Variants in DIP2B observed in about 807,000 individuals in gnomAD.
DIP2B encodes the protein disco-interacting protein 2 homolog B.
Under a neutral mutation model 198.0 loss-of-function variants are expected in DIP2B, and 76 were observed. That is an observed-to-expected ratio of 0.38 (90% CI 0.32 to 0.46). The LOEUF is 0.46. DIP2B is among the 20% of genes least tolerant of loss of function. The probability of loss-of-function intolerance (pLI) is 0.99; values close to 1 mark genes in which losing one functional copy is unlikely to be tolerated. For missense variants in DIP2B, 1,559 were observed against 1,978.4 expected (o/e 0.79, Z 4.02); for synonymous variants, 701 against 739.1 (o/e 0.95, Z 0.84).
chr12:50,547,255 CT>C (rs1958385900), intron 1 of DIP2B, among the ~76,000 whole-genome samples: 1 of 152,124 alleles, frequency 6.6e-6, no homozygotes, highest in South Asian at 2.1e-4. Flanking sequence ...TGAAATATTT[CT>C]GGGAAGTAAT....
intron 1 of DIP2B, among the ~76,000 whole-genome samples, chr12:50,609,445 C>T (rs750785008): frequency 3.9e-5 from 6 of 152,220 alleles, no homozygotes; most frequent in Non-Finnish European, 8.8e-5. Context: ...AACTCTGCTT[C>T]ATGAGGGTAT....
At position 50,741,491 on chromosome 12, in the gene DIP2B, T is replaced by G. The variant is rs997487733; in HGVS notation, c.4430T>G (p.Ile1477Ser). The G allele has an allele frequency of 2.5e-6, 4 of 1,614,174 alleles. No homozygotes were observed. Among genetic ancestry groups the G allele is most frequent in the East Asian group, 2.2e-5 (1 of 44,888 alleles). The stretch of plus-strand genomic sequence containing the variant: ...CTGAGAGGATTACGATACCACCCAA[T>G]TGATATTGAGACCTCGGTGTCCCGG... ...LELRGLRYHPIDIETSVSRIH... is the reference protein window; with the variant it reads ...LELRGLRYHPSDIETSVSRIH... The change falls in exon 37 of 38, where the codon ATT (isoleucine) becomes AGT (serine). Residue 1477 changes from isoleucine to serine, a missense_variant. Transcript: ENST00000301180.
At chr12:50,663,010 G>C (rs1938679149) in intron 4 of DIP2B, among the ~76,000 whole-genome samples, 2 of 152,192 alleles carry the variant, frequency 1.3e-5, no homozygotes, top group Non-Finnish European at 2.9e-5. Flanking sequence ...TCAGGAGGCT[G>C]AGGCAGGGGA....
At chr12:50,563,435 C>T (rs1044089147) in intron 1 of DIP2B, among the ~76,000 whole-genome samples, 1 of 151,388 alleles carries the variant, frequency 6.6e-6, no homozygotes, top group African/African-American at 2.4e-5. Flanking sequence ...AATCTGCCTG[C>T]CTTGGCCTCC....
intron 4 of DIP2B, among the ~76,000 whole-genome samples, chr12:50,667,224 C>T (rs1938770951): frequency 6.6e-6 from 1 of 152,168 alleles, no homozygotes; most frequent in Admixed American, 6.5e-5. Context: ...TTGTAGGCTT[C>T]TGGTGACCAG....
chr12:50,554,423 A>G (rs1247583487), intron 1 of DIP2B, among the ~76,000 whole-genome samples: 4 of 151,858 alleles, frequency 2.6e-5, no homozygotes, highest in African/African-American at 9.7e-5. Context: ...TGTAATTGCA[A>G]GATGTTTTAT....
intron 2 of DIP2B, among the ~76,000 whole-genome samples, chr12:50,634,027 A>G (rs1309093416): frequency 6.6e-6 from 1 of 152,204 alleles, no homozygotes; most frequent in East Asian, 1.9e-4. Flanking sequence ...TTTGAGAGGC[A>G]TGAGAGAAAT....
intron 29 of DIP2B, 101 bp downstream of exon 29, chr12:50,727,913 C>T (rs774302786): frequency 2.5e-5 from 24 of 942,808 alleles, no homozygotes; most frequent in African/African-American, 4.9e-5. Context: ...TACCAGAGAC[C>T]GGTAGGCAGA....
intron 13 of DIP2B, among the ~76,000 whole-genome samples, chr12:50,692,081 A>G (rs1479443743): frequency 6.6e-6 from 1 of 151,998 alleles, no homozygotes; most frequent in Non-Finnish European, 1.5e-5. Flanking sequence ...ATATATATAT[A>G]TATAATACAT....
At chr12:50,690,425 C>T (rs968132897) in intron 12 of DIP2B, among the ~76,000 whole-genome samples, 3 of 152,260 alleles carry the variant, frequency 2.0e-5, no homozygotes, top group Admixed American at 2.0e-4. Context: ...GTGGCATATG[C>T]CTGTAGTTCC....
chr12:50,617,078 T>G lies in DIP2B; in HGVS notation c.101-8898T>G, dbSNP rs540187283. Among the ~76,000 whole-genome samples, 3 of 152,220 alleles carry G rather than the reference T, an allele frequency of 2.0e-5. No homozygotes were observed. In the East Asian group the frequency reaches 5.8e-4, roughly 29 times the overall value. ...CATTTAAAGGATAGAATAGGATGAT[T>G]AGGTTCAGGTATAGATTTGAAGATG... is the stretch of plus-strand genomic sequence containing the variant. On this transcript the variant is annotated intron_variant, in intron 1 of 37. Transcript: ENST00000301180.
chr12:50,554,627 C>A (rs538421994), intron 1 of DIP2B, among the ~76,000 whole-genome samples: 1 of 152,228 alleles, frequency 6.6e-6, no homozygotes, highest in Admixed American at 6.5e-5. Context: ...AATGGATCAG[C>A]CGTCTCTAGT....
intron 31 of DIP2B, 81 bp from the exon 32 acceptor site, chr12:50,732,285 A>C (rs530682462): frequency 8.7e-6 from 13 of 1,497,772 alleles, no homozygotes; most frequent in Non-Finnish European, 3.6e-6. Context: ...TTTCCTGACC[A>C]AGGAGCTAGA....
chr12:50,569,091 CT>C (rs200901404), intron 1 of DIP2B, among the ~76,000 whole-genome samples: 1,647 of 133,354 alleles, frequency 0.012, 11 homozygotes, highest in African/African-American at 0.03. Context: ...TTTCTTTTGT[CT>C]TTTTTTTTTT....
Position 50,741,497 on chromosome 12 carries a change from T to C in DIP2B, c.4436T>C (p.Ile1479Thr), listed in dbSNP as rs779721582. ...LRGLRYHPIDIETSVSRIHRS... is the reference protein window; with the variant it reads ...LRGLRYHPIDTETSVSRIHRS... ...GGATTACGATACCACCCAATTGATA[T>C]TGAGACCTCGGTGTCCCGGATCCAC... Residue 1479 changes from isoleucine to threonine, a missense_variant, in exon 37 of 38, where the codon ATT (isoleucine) becomes ACT (threonine). Ile to Thr is a moderately conservative substitution (Grantham distance 89, BLOSUM62 -1). Coordinates refer to ENST00000301180, the MANE Select transcript of DIP2B (RefSeq NM_173602.3). 11 of 1,614,040 alleles carry C rather than the reference T, an allele frequency of 6.8e-6. No individual in the cohort carries two copies. The highest frequency in any genetic ancestry group is 1.3e-5 in the African/African-American group (1 of 74,950).
chr12:50,704,040 A>AT, intron 19 of DIP2B, 100 bp from the exon 20 acceptor site: 2 of 969,822 alleles, frequency 2.1e-6, no homozygotes, highest in Non-Finnish European at 3.1e-6. Context: ...CTATTACATT[A>AT]TTTTTTCACT....
chr12:50,591,358 A>AT (rs909301856), intron 1 of DIP2B, among the ~76,000 whole-genome samples: 57 of 147,328 alleles, frequency 3.9e-4, no homozygotes, highest in East Asian at 3.6e-3. Context: ...TACCCATCTG[A>AT]TTTTTTTTTT....
At chr12:50,646,363 C>T (rs150225655) in intron 3 of DIP2B, among the ~76,000 whole-genome samples, 4 of 151,588 alleles carry the variant, frequency 2.6e-5, no homozygotes, top group African/African-American at 7.3e-5. Context: ...CCTCGTGATC[C>T]GCCTGCCTTG....
intron 2 of DIP2B, among the ~76,000 whole-genome samples, chr12:50,630,937 C>T (rs1197530598): frequency 6.6e-6 from 1 of 152,048 alleles, no homozygotes; most frequent in African/African-American, 2.4e-5. Context: ...TCCCAAAGTG[C>T]TGGGATTACA....
Sources: gnomAD v4.1 joint callset for allele counts (sites outside exome capture counted in the v4.1 genomes callset) on GRCh38, gnomAD v4.1.1 for gene constraint, MANE v1.5 for transcripts, NCBI Gene and HGNC (gene_info 2026-07-23, HGNC 2026-07-21) for gene names.